The following IREB2 variants were observed in gnomAD, a reference collection of about 807,000 sequenced individuals.
IREB2 encodes iron responsive element binding protein 2, also known as iron-responsive element-binding protein 2.
IREB2 carries 39 observed loss-of-function variants against 118.8 expected under a neutral mutation model. The observed-to-expected ratio is 0.33, with a 90% confidence interval of 0.25 to 0.43. IREB2 has a LOEUF of 0.43. Among genes scored for constraint, IREB2 ranks in the 20% least tolerant of loss-of-function variants. The probability of loss-of-function intolerance (pLI) is 1.00; values close to 1 mark genes in which losing one functional copy is unlikely to be tolerated. For synonymous variants in IREB2, 372 were observed against 392.2 expected, an observed-to-expected ratio of 0.95 and a Z score of 0.61; for missense variants, 900 against 1,147.3, an observed-to-expected ratio of 0.78 and a Z score of 3.11.
At chr15:78,497,348 C>A in intron 21 of IREB2, 37 bp downstream of exon 21, 2 of 1,369,322 alleles carry the variant, frequency 1.5e-6, no homozygotes, top group South Asian at 2.4e-5. Context: ...ATTATGCACT[C>A]AAATGTTTAT....
intron 5 of IREB2, 105 bp from the exon 6 acceptor site, chr15:78,470,427 G>T: frequency 1.7e-6 from 1 of 602,528 alleles, no homozygotes. Flanking sequence ...AGGATTTTAA[G>T]AATATATTTG....
intron 1 of IREB2, chr15:78,438,782 AC>A (rs2050797875): frequency 1.2e-5 from 3 of 244,506 alleles, no homozygotes; most frequent in Non-Finnish European, 2.5e-5. Context: ...TGTTGATTCC[AC>A]GGTCCAGCCT....
intron 2 of IREB2, among the ~76,000 whole-genome samples, chr15:78,456,532 T>TG (rs1468579317): frequency 1.3e-5 from 2 of 151,368 alleles, no homozygotes; most frequent in African/African-American, 4.9e-5. Flanking sequence ...CTGGGCATAG[T>TG]GGTATACGCC....
At chr15:78,492,239 G>C (rs2051763113) in intron 18 of IREB2, among the ~76,000 whole-genome samples, 1 of 152,132 alleles carries the variant, frequency 6.6e-6, no homozygotes, top group African/African-American at 2.4e-5. Flanking sequence ...CACTAATCCA[G>C]TAGCAATACC....
upstream of IREB2, chr15:78,438,194 G>C: frequency 1.5e-6 from 1 of 666,740 alleles, no homozygotes. Flanking sequence ...GGCTGGCTCT[G>C]CTGCTCTCGC....
intron 15 of IREB2, 103 bp from the exon 16 acceptor site, chr15:78,488,544 C>T: frequency 8.3e-7 from 1 of 1,198,820 alleles, no homozygotes. Context: ...CTGAAGCACC[C>T]TGTTGAATCA....
intron 9 of IREB2, among the ~76,000 whole-genome samples, chr15:78,478,076 A>G (rs79944246): frequency 0.13 from 18,759 of 148,758 alleles, 1,346 homozygotes; most frequent in Non-Finnish European, 0.16. Context: ...TGTACAAAAC[A>G]TTTGTAAAAA....
At chr15:78,489,401 T>C (rs1378505851) in intron 16 of IREB2, among the ~76,000 whole-genome samples, 1 of 152,130 alleles carries the variant, frequency 6.6e-6, no homozygotes, top group Non-Finnish European at 1.5e-5. Context: ...AAGAATTGAT[T>C]AGGTGTTCAG....
chr15:78,446,891 C>CAGT (rs3832992), intron 2 of IREB2, among the ~76,000 whole-genome samples: 118,267 of 151,706 alleles, frequency 0.78, 46,401 homozygotes, highest in African/African-American at 0.85. Context: ...ACATGCTTAC[C>CAGT]AGTGAATGAG....
At chr15:78,496,881 G>A (rs965604) in intron 20 of IREB2, among the ~76,000 whole-genome samples, 76,807 of 151,986 alleles carry the variant, frequency 0.51, 20,811 homozygotes, top group Non-Finnish European at 0.62. Context: ...GATGTGGTAG[G>A]CAGCGGCAGT....
chr15:78,480,063 G>A (rs1490639421), intron 10 of IREB2: 1 of 152,102 alleles, frequency 6.6e-6, no homozygotes, highest in African/African-American at 2.4e-5. Context: ...TTGGTTAACT[G>A]TTCATTAAAC....
chr15:78,489,014 G>A (rs1369327234), intron 16 of IREB2, among the ~76,000 whole-genome samples: 3 of 152,156 alleles, frequency 2.0e-5, no homozygotes, highest in Non-Finnish European at 4.4e-5. Context: ...GAGGTCCGGA[G>A]CTCAAGACCA....
intron 2 of IREB2, among the ~76,000 whole-genome samples, chr15:78,452,748 A>T (rs965156772): frequency 2.6e-5 from 4 of 152,086 alleles, no homozygotes; most frequent in South Asian, 2.1e-4. Context: ...TTTCAATTTT[A>T]AAAAAATGAA....
chr15:78,484,987 A>G, intron 12 of IREB2, 67 bp downstream of exon 12: 9 of 1,464,690 alleles, frequency 6.1e-6, no homozygotes, highest in Non-Finnish European at 8.4e-6. Context: ...CTGTTATTGT[A>G]ACTTTGTTTC....
intron 2 of IREB2, 96 bp from the exon 3 acceptor site, chr15:78,462,826 C>T (rs1044725821): frequency 3.5e-6 from 3 of 859,392 alleles, no homozygotes; most frequent in Non-Finnish European, 5.3e-6. Flanking sequence ...GAAAACAGTG[C>T]ATTTTTGTCT....
chr15:78,476,078 C>T lies in IREB2; in HGVS notation c.1024-110C>T, dbSNP rs1048747215. The T allele has an allele frequency of 1.9e-5, 13 of 676,044 alleles. No homozygotes were observed. The African/African-American group carries it at 2.1e-4, about 11-fold the overall frequency. The allele number at this position is 676,044 out of a possible 1,614,324, so 41.9% of individuals were successfully genotyped here. Reference sequence around the variant, plus strand: ...CATAAGGACAATGAAGGATCTCATTCCTTCACCATCACTAGTATTGGTTAA... The same window carrying T: ...CATAAGGACAATGAAGGATCTCATTTCTTCACCATCACTAGTATTGGTTAA... On this transcript the variant is annotated intron_variant, in intron 8 of 21. Coordinates refer to ENST00000258886, the MANE Select transcript of IREB2 (RefSeq NM_004136.4).
chr15:78,459,650 C>T (rs777153313), intron 2 of IREB2, among the ~76,000 whole-genome samples: 4 of 152,262 alleles, frequency 2.6e-5, no homozygotes, highest in Admixed American at 6.5e-5. Context: ...CGTGCCTGGC[C>T]ACTTAATAAA....
At chr15:78,455,890 G>A (rs1228450986) in intron 2 of IREB2, among the ~76,000 whole-genome samples, 1 of 152,200 alleles carries the variant, frequency 6.6e-6, no homozygotes, top group Non-Finnish European at 1.5e-5. Context: ...TTAGTCGATA[G>A]TCCTGGCCCA....
intron 18 of IREB2, 102 bp from the exon 19 acceptor site, chr15:78,493,807 A>G: frequency 1.9e-6 from 2 of 1,078,422 alleles, no homozygotes; most frequent in South Asian, 1.7e-5. Flanking sequence ...TTGTGTTTGA[A>G]ATTTTCTGTG....
Sources: allele counts gnomAD v4.1 joint callset (sites outside exome capture counted in the v4.1 genomes callset), GRCh38; gene constraint gnomAD v4.1.1; transcripts MANE v1.5; gene names NCBI Gene and HGNC (gene_info 2026-07-23, HGNC 2026-07-21).